Variants in NARS2 observed in about 807,000 individuals in gnomAD.
NARS2 encodes asparaginyl-tRNA synthetase 2, mitochondrial, also known as asparaginyl-tRNA synthetase.
A neutral mutation model predicts 62.9 loss-of-function variants in NARS2; 60 were observed. The ratio of observed to expected loss-of-function variants is 0.95; its 90% CI spans 0.77 to 1.18. NARS2 has a LOEUF of 1.18. Ranked by LOEUF, NARS2 falls within the 50% of genes most tolerant of loss-of-function variation. The probability of loss-of-function intolerance (pLI) is 0.00; values close to 1 mark genes in which losing one functional copy is unlikely to be tolerated. For synonymous variants in NARS2, 196 were observed against 200.0 expected (o/e 0.98, Z 0.17); for missense variants, 619 against 576.4 (o/e 1.07, Z -0.76).
intron 5 of NARS2, among the ~76,000 whole-genome samples, chr11:78,559,301 CAAAAAAAAAAA>C (rs10627726): frequency 1.4e-4 from 8 of 58,452 alleles, no homozygotes; most frequent in South Asian, 1.1e-3. Flanking sequence ...GACTCCATCT[CAAAAAAAAAAA>C]AAAAAAAAAA....
At chr11:78,458,781 C>T (rs1156409512) in intron 11 of NARS2, among the ~76,000 whole-genome samples, 2 of 152,172 alleles carry the variant, frequency 1.3e-5, no homozygotes, top group African/African-American at 4.8e-5. Flanking sequence ...CTGGGTGTCC[C>T]CACCCAAATC....
intron 9 of NARS2, 100 bp downstream of exon 9, chr11:78,478,338 A>G (rs1859194956): frequency 2.4e-6 from 1 of 422,756 alleles, no homozygotes; most frequent in Admixed American, 4.5e-5. Flanking sequence ...TCCTATATAT[A>G]TAGGATCTAT....
chr11:78,531,900 T>C (rs1365954976), intron 5 of NARS2, among the ~76,000 whole-genome samples: 1 of 152,144 alleles, frequency 6.6e-6, no homozygotes, highest in African/African-American at 2.4e-5. Flanking sequence ...AACTACTAAA[T>C]GGGCACAGGG....
At chr11:78,492,561 C>T (rs1859871434) in intron 7 of NARS2, among the ~76,000 whole-genome samples, 1 of 152,294 alleles carries the variant, frequency 6.6e-6, no homozygotes, top group East Asian at 1.9e-4. Flanking sequence ...GCCTTGTCCC[C>T]TGCTCAACTG....
chr11:78,449,869 C>T (rs749899132), intron 11 of NARS2, among the ~76,000 whole-genome samples: 5 of 152,158 alleles, frequency 3.3e-5, no homozygotes, highest in Non-Finnish European at 7.3e-5. Flanking sequence ...TGGTTGAGAA[C>T]CACTAGTTTA....
At chr11:78,503,888 T>C (rs1860382050) in intron 6 of NARS2, among the ~76,000 whole-genome samples, 1 of 152,204 alleles carries the variant, frequency 6.6e-6, no homozygotes, top group Non-Finnish European at 1.5e-5. Flanking sequence ...TGCTCTGCCA[T>C]GCCAGGCCTT....
At chr11:78,464,547 C>T (rs903207659) in intron 11 of NARS2, among the ~76,000 whole-genome samples, 7 of 152,094 alleles carry the variant, frequency 4.6e-5, no homozygotes, top group Non-Finnish European at 7.4e-5. Flanking sequence ...AGTGTCCACA[C>T]AAAGGTTCTC....
At chr11:78,572,465 G>T (rs975276181) in intron 1 of NARS2, among the ~76,000 whole-genome samples, 2 of 152,178 alleles carry the variant, frequency 1.3e-5, no homozygotes, top group African/African-American at 2.4e-5. Context: ...CAAAGTTCAT[G>T]TTCTTATCAA....
chr11:78,554,673 T>C (rs1856279122), intron 5 of NARS2, among the ~76,000 whole-genome samples: 1 of 152,206 alleles, frequency 6.6e-6, no homozygotes, highest in Admixed American at 6.5e-5. Flanking sequence ...GCTTTTGGGC[T>C]GAGGCTATGG....
In NARS2 at chr11:78,571,353, T is replaced by A. The variant is rs1856914815; in HGVS notation, c.233A>T (p.Asp78Val). Reference protein sequence around the residue: ...SSLESLQVVADSGLDSRELNF... With the variant: ...SSLESLQVVAVSGLDSRELNF... ...AACTCACCTACTGTCAAGGCCTGAA[T>A]CTGCAACAACCTGAAGGCTTTCCAA... Residue 78 changes from aspartate to valine, a missense_variant, in exon 2 of 14, where the codon GAT becomes GTT. Transcript: ENST00000281038. 6.2e-7 allele frequency: 1 copy of A among 1,612,984 alleles called. No homozygotes were observed. The highest frequency in any genetic ancestry group is 8.5e-7 in the Non-Finnish European group (1 of 1,179,196).
intron 5 of NARS2, among the ~76,000 whole-genome samples, chr11:78,540,102 A>T (rs1026685962): frequency 6.6e-6 from 1 of 152,188 alleles, no homozygotes; most frequent in African/African-American, 2.4e-5. Context: ...GCCTTTCTCT[A>T]TTATGCAAAA....
At chr11:78,465,425 C>G (rs767567211) in intron 11 of NARS2, among the ~76,000 whole-genome samples, 4 of 152,262 alleles carry the variant, frequency 2.6e-5, no homozygotes, top group African/African-American at 9.6e-5. Context: ...GCGCCGAGAG[C>G]GAGAGAGGGC....
At chr11:78,437,192 T>G (rs1436920192) in intron 13 of NARS2, among the ~76,000 whole-genome samples, 2 of 152,342 alleles carry the variant, frequency 1.3e-5, no homozygotes, top group Non-Finnish European at 2.9e-5. Context: ...CACAATGTTT[T>G]CTTTTCCTTC....
intron 6 of NARS2, among the ~76,000 whole-genome samples, chr11:78,513,664 G>A (rs1330851994): frequency 6.6e-6 from 1 of 152,022 alleles, no homozygotes; most frequent in Non-Finnish European, 1.5e-5. Flanking sequence ...TGTAATCCCA[G>A]CTACTTGGGA....
At chr11:78,438,535 C>T (rs1857481223) in intron 13 of NARS2, among the ~76,000 whole-genome samples, 1 of 152,156 alleles carries the variant, frequency 6.6e-6, no homozygotes, top group Admixed American at 6.5e-5. Flanking sequence ...GATATTGAAA[C>T]ACTGGCATGA....
intron 6 of NARS2, among the ~76,000 whole-genome samples, chr11:78,522,716 C>T (rs985118725): frequency 6.6e-6 from 1 of 152,150 alleles, no homozygotes; most frequent in African/African-American, 2.4e-5. Flanking sequence ...AAAAGATGGC[C>T]ACTCTTCCTT....
chr11:78,465,196 C>G (rs552567564), intron 11 of NARS2, among the ~76,000 whole-genome samples: 49 of 152,326 alleles, frequency 3.2e-4, no homozygotes, highest in African/African-American at 1.1e-3. Flanking sequence ...CTGCCCGGAG[C>G]AGGTGGGGCC....
rs567002617 is a variant in NARS2, at chr11:78,571,268, A to G, written c.251+67T>C. 7 of 932,358 alleles carry G rather than the reference A, an allele frequency of 7.5e-6. No individual in the cohort carries two copies. The East Asian group carries it at 1.7e-4, about 23-fold the overall frequency. 57.8% of individuals were successfully genotyped at this position (932,358 alleles called of 1,614,324 possible). A position where few individuals can be genotyped will look rare whatever the true frequency, so the allele number is the denominator to read the frequency against. On this transcript the variant is annotated intron_variant, in intron 2 of 13. Coordinates refer to ENST00000281038, the MANE Select transcript of NARS2 (RefSeq NM_024678.6). ...AGGGGTCCAACGTAAACACTGGAGTAGGGAAGTGAGAAGCACTAGAGGTGA... is the reference window on the plus strand; with the variant it reads ...AGGGGTCCAACGTAAACACTGGAGTGGGGAAGTGAGAAGCACTAGAGGTGA...
intron 11 of NARS2, among the ~76,000 whole-genome samples, chr11:78,459,528 C>T (rs537939074): frequency 4.4e-4 from 67 of 152,138 alleles, no homozygotes; most frequent in Non-Finnish European, 7.5e-4. Context: ...CCTCGGCCTC[C>T]CAAAGTGCTG....
Sources: allele counts gnomAD v4.1 joint callset (sites outside exome capture counted in the v4.1 genomes callset), GRCh38; gene constraint gnomAD v4.1.1; transcripts MANE v1.5; gene names NCBI Gene and HGNC (gene_info 2026-07-23, HGNC 2026-07-21).